The following L3MBTL2 variants were observed in gnomAD, a reference collection of about 807,000 sequenced individuals.
L3MBTL2 encodes the protein lethal(3)malignant brain tumor-like protein 2.
Under a neutral mutation model 86.4 loss-of-function variants are expected in L3MBTL2, and 49 were observed. The ratio of observed to expected loss-of-function variants is 0.57; its 90% CI spans 0.45 to 0.72. The LOEUF is 0.72. Among genes scored for constraint, L3MBTL2 ranks in the 30% least tolerant of loss-of-function variants. The probability of loss-of-function intolerance (pLI) is 0.00; values close to 1 mark genes in which losing one functional copy is unlikely to be tolerated. For synonymous variants in L3MBTL2, 336 were observed against 350.6 expected (o/e 0.96, Z 0.47); for missense variants, 755 against 923.7 (o/e 0.82, Z 2.37).
intron 3 of L3MBTL2, among the ~76,000 whole-genome samples, chr22:41,215,252 C>T (rs553335579): frequency 4.6e-5 from 7 of 152,132 alleles, no homozygotes; most frequent in Non-Finnish European, 1.0e-4. Context: ...ACCGAAAGAT[C>T]CCTCTCTTCC....
chr22:41,211,917 G>A (rs1255166362), intron 2 of L3MBTL2, among the ~76,000 whole-genome samples: 2 of 108,306 alleles, frequency 1.8e-5, no homozygotes, highest in African/African-American at 7.3e-5. Context: ...AGGCCGGAAC[G>A]CAGTGGCACG....
chr22:41,210,011 T>C (rs920119447), intron 2 of L3MBTL2, 78 bp downstream of exon 2: 1 of 1,549,222 alleles, frequency 6.5e-7, no homozygotes, highest in East Asian at 2.3e-5. Flanking sequence ...ATAGGCTATA[T>C]GGGCAGAGCC....
chr22:41,227,323 G>C lies in L3MBTL2; in HGVS notation c.1822G>C (p.Glu608Gln). ...CCAGCTCCAGCCTCCTGTGGCCGCAGGTGTGGGCTCTCGTGGCCCTAAGAG... is the reference window on the plus strand; with the variant it reads ...CCAGCTCCAGCCTCCTGTGGCCGCACGTGTGGGCTCTCGTGGCCCTAAGAG... ...GYQLQPPVAA[E>Q]PATPLKAKEA... Residue 608 changes from glutamate (E) to glutamine (Q), a missense_variant and splice_region_variant, in exon 14 of 17, where the codon GAA (glutamate) becomes CAA (glutamine). Glu to Gln is a conservative substitution (Grantham distance 29). Around this residue, in one of 3 missense-constraint regions of L3MBTL2, gnomAD observed 634 missense variants for 748.9 expected, o/e 0.85. Coordinates refer to ENST00000216237, the MANE Select transcript of L3MBTL2 (RefSeq NM_031488.5). The surrounding 1 kb of genome is among the most constrained non-coding windows in gnomAD (Gnocchi z 6.0). 1 of 1,594,334 alleles carries C rather than the reference G, an allele frequency of 6.3e-7. No individual in the cohort carries two copies. The highest frequency in any genetic ancestry group is 8.5e-7 in the Non-Finnish European group (1 of 1,170,722).
At chr22:41,215,079 T>G (rs1185432666) in intron 3 of L3MBTL2, among the ~76,000 whole-genome samples, 1 of 152,136 alleles carries the variant, frequency 6.6e-6, no homozygotes, top group Non-Finnish European at 1.5e-5. Context: ...GGACAGAGAT[T>G]GGAAGAGCTC....
intron 2 of L3MBTL2, among the ~76,000 whole-genome samples, chr22:41,210,652 C>T (rs1375819828): frequency 2.0e-5 from 3 of 152,002 alleles, no homozygotes; most frequent in South Asian, 2.1e-4. Flanking sequence ...TTAGTAGAGG[C>T]GGGGTTTCAC....
intron 3 of L3MBTL2, 185 bp downstream of exon 3, chr22:41,214,211 T>A: frequency 1.7e-6 from 1 of 588,342 alleles, no homozygotes; most frequent in South Asian, 2.1e-5. Flanking sequence ...AATTATAGGT[T>A]CCTGAAGCTA....
intron 15 of L3MBTL2, chr22:41,228,079 T>C (rs1486789695): frequency 4.1e-6 from 4 of 985,158 alleles, no homozygotes; most frequent in Non-Finnish European, 2.4e-6. Context: ...AGACCATAAA[T>C]AGGGAGTGTT....
Position 41,230,218 on chromosome 22 carries a change from C to T in L3MBTL2, c.2085C>T (p.Ser695=), listed in dbSNP as rs141996268. 2.1e-4 allele frequency: 345 copies of T among 1,613,810 alleles called. No homozygotes were observed. The African/African-American group carries it at 4.3e-3, about 20-fold the overall frequency. The part of the protein sequence containing the change: ...DKASSPELPV[S]VENIKQETDD ...CTTCAAGTCCAGAGCTGCCTGTCTC[C>T]GTCGAGAACATCAAGCAGGAAACAG... The change falls in exon 17 of 17, where the codon TCC becomes TCT. Residue 695 remains serine, a synonymous_variant. Transcript: ENST00000216237.
chr22:41,229,378 T>C (rs536369141), intron 15 of L3MBTL2, 162 bp from the exon 16 acceptor site: 102 of 704,522 alleles, frequency 1.4e-4, no homozygotes, highest in African/African-American at 1.4e-3. Flanking sequence ...TCAGGGCACA[T>C]AGCCAATAAG....
At chr22:41,220,629 G>A in intron 6 of L3MBTL2, 105 bp from the exon 7 acceptor site, 1 of 1,307,660 alleles carries the variant, frequency 7.6e-7, no homozygotes, top group South Asian at 1.5e-5. Flanking sequence ...CTGCACTCCA[G>A]CCTGGGCGAC....
chr22:41,223,877 G>A (rs76550409), intron 8 of L3MBTL2, 143 bp from the exon 9 acceptor site: 18,163 of 656,542 alleles, frequency 0.028, 1,652 homozygotes, highest in East Asian at 0.2. Flanking sequence ...GCCTGGCAGC[G>A]CAGGCAGTCT....
chr22:41,229,816 A>G, intron 16 of L3MBTL2, 160 bp downstream of exon 16: 1 of 1,240,898 alleles, frequency 8.1e-7, no homozygotes, highest in East Asian at 2.5e-5. Flanking sequence ...GGTGTTTCCC[A>G]GACACGCCCC....
At chr22:41,229,027 G>A (rs1301338775) in intron 15 of L3MBTL2, among the ~76,000 whole-genome samples, 1 of 152,170 alleles carries the variant, frequency 6.6e-6, no homozygotes, top group Non-Finnish European at 1.5e-5. Flanking sequence ...AGAGGCTGAG[G>A]TGGGAGGATC....
rs568932954 is a variant in L3MBTL2 at position 41,224,899 on chromosome 22, G to T, written c.1252-68G>T. 2 of 1,560,468 alleles carry T rather than the reference G, an allele frequency of 1.3e-6. No individual in the cohort carries two copies. The highest frequency in any genetic ancestry group is 1.8e-6 in the Non-Finnish European group (2 of 1,132,990). On this transcript the variant is annotated intron_variant, in intron 10 of 16. Coordinates refer to ENST00000216237, the MANE Select transcript of L3MBTL2 (RefSeq NM_031488.5). The surrounding 1 kb of genome is among the most constrained non-coding windows in gnomAD (Gnocchi z 4.9). ...CCCTGGGACCATCCCTTTCCCTCCT[G>T]AGGCCTGCTTCCCTCACCCTTCCTC...
Position 41,227,690 on chromosome 22 carries a change from C to T in L3MBTL2, c.1823-114C>T. ...CTCCTCATTGCCCAGGTTTGGCTTC[C>T]TGTCTTGGGGTGTCTCGTGTGGGAG... On this transcript the variant is annotated intron_variant, in intron 14 of 16. Transcript: ENST00000216237. This position sits in a 1 kb window ranked among gnomAD's most constrained non-coding sequence, Gnocchi z 6.0. 6.3e-7 allele frequency: 1 copy of T among 1,591,300 alleles called. No individual in the cohort carries two copies. Among genetic ancestry groups the T allele is most frequent in the Non-Finnish European group, 8.6e-7 (1 of 1,168,190 alleles).
Position 41,217,168 on chromosome 22 carries a change from G to A in L3MBTL2, c.566G>A (p.Ser189Asn). 6.2e-7 allele frequency: 1 copy of A among 1,613,902 alleles called. No homozygotes were observed. ...TGGGGGAAGTTCCTGAAGGATCACA[G>A]TTACAAGGCTGCTCCCGTCAGCTGT... ...FDWGKFLKDH[S>N]YKAAPVSCFK... The change falls in exon 5 of 17, where the codon AGT becomes AAT. Residue 189 changes from serine to asparagine, a missense_variant. Physicochemically the swap from Ser to Asn is conservative, Grantham distance 46 (BLOSUM62 1). Coordinates refer to ENST00000216237, the MANE Select transcript of L3MBTL2 (RefSeq NM_031488.5).
chr22:41,210,692 G>C (rs1258678074), intron 2 of L3MBTL2, among the ~76,000 whole-genome samples: 1 of 152,056 alleles, frequency 6.6e-6, no homozygotes, highest in Middle Eastern at 3.2e-3. Context: ...TCAAACTCCT[G>C]AACTCAGGTG....
At chr22:41,226,411 C>T (rs2032187126) in intron 12 of L3MBTL2, among the ~76,000 whole-genome samples, 1 of 152,222 alleles carries the variant, frequency 6.6e-6, no homozygotes, top group Admixed American at 6.5e-5. Context: ...GCTGGGCTGA[C>T]CCTACCCCAT....
At position 41,216,265 on chromosome 22, in the gene L3MBTL2, A is replaced by G. The variant is rs1327735758; in HGVS notation, c.520+3A>G. 2.5e-6 allele frequency: 4 copies of G among 1,612,788 alleles called. No individual in the cohort carries two copies. The highest frequency in any genetic ancestry group is 3.4e-6 in the Non-Finnish European group (4 of 1,179,076). ...TGGGACACCAACAGGACAAGACGGT[A>G]AGATAGCAGAGGGCCCTGCTTAGGA... On this transcript the variant is annotated splice_donor_region_variant and intron_variant, in intron 4 of 16. Coordinates refer to ENST00000216237, the MANE Select transcript of L3MBTL2 (RefSeq NM_031488.5).
Sources: allele counts gnomAD v4.1 joint callset (sites outside exome capture counted in the v4.1 genomes callset), GRCh38; gene constraint gnomAD v4.1.1; regional missense constraint gnomAD v4.1.1; non-coding constraint Gnocchi (gnomAD v3.1); transcripts MANE v1.5; gene names NCBI Gene and HGNC (gene_info 2026-07-23, HGNC 2026-07-21).